The following FRMD5 variants were observed in gnomAD, a reference collection of about 807,000 sequenced individuals.
FRMD5 encodes the protein FERM domain containing 5.
FRMD5 carries 20 observed loss-of-function variants against 69.0 expected under a neutral mutation model. The observed-to-expected ratio is 0.29, with a 90% CI of 0.20 to 0.42. The LOEUF is 0.42. Ranked by LOEUF, FRMD5 falls within the 10% of genes least tolerant of loss-of-function variation. The pLI, the probability that FRMD5 is intolerant of heterozygous loss-of-function variation, is 1.00. For synonymous variants in FRMD5, 271 were observed against 260.1 expected (o/e 1.04, Z -0.40); for missense variants, 595 against 708.6 (o/e 0.84, Z 1.82).
At chr15:44,145,784 A>G (rs888976045) in intron 1 of FRMD5, among the ~76,000 whole-genome samples, 3 of 152,320 alleles carry the variant, frequency 2.0e-5, no homozygotes, top group South Asian at 2.1e-4. Context: ...TGAAAGTTTA[A>G]GATTTAACAC....
rs144369623 is a variant in FRMD5, at chr15:43,989,307, C to T, written c.103-64998G>A. 8.1e-4 allele frequency: 637 copies of T among 785,546 alleles called. 6 individuals carry two copies. The East Asian group carries it at 0.015, about 19-fold the overall frequency. The allele number at this position is 785,546 out of a possible 1,614,324, so 48.7% of individuals were successfully genotyped here. On this transcript the variant is annotated intron_variant, in intron 1 of 13. Coordinates refer to ENST00000417257, the MANE Select transcript of FRMD5 (RefSeq NM_032892.5). ...CGCCAGATAGCACTGTGTTGGCATA[C>T]GGGTCTTTGAGGATGTCCACATCAC...
At chr15:44,059,344 C>G (rs1440452158) in intron 1 of FRMD5, among the ~76,000 whole-genome samples, 1 of 152,054 alleles carries the variant, frequency 6.6e-6, no homozygotes, top group East Asian at 1.9e-4. Flanking sequence ...ATGATAGAGT[C>G]TGCATAGGTT....
Position 44,136,904 on chromosome 15 carries a change from TG to T in FRMD5, c.102+58048del, listed in dbSNP as rs986969452. Among the ~76,000 whole-genome samples, 8 of 152,120 alleles carry T rather than the reference TG, an allele frequency of 5.3e-5. 1 individual carries two copies. The highest frequency in any genetic ancestry group is 1.2e-4 in the Non-Finnish European group (8 of 68,030). Reference sequence around the variant, plus strand: ...ACACACCCCAACACATACAAACTCCTGCACCCTTCACACAACAGCGATAGAT... The same window carrying T: ...ACACACCCCAACACATACAAACTCCTCACCCTTCACACAACAGCGATAGAT... On this transcript the variant is annotated intron_variant, in intron 1 of 13. Transcript: ENST00000417257.
intron 1 of FRMD5, chr15:43,990,161 A>T: frequency 1.8e-6 from 1 of 567,748 alleles, no homozygotes; most frequent in South Asian, 1.6e-5. Flanking sequence ...TGTCGACGAC[A>T]AGCATGGTGA....
chr15:43,924,400 T>C, intron 1 of FRMD5, 91 bp from the exon 2 acceptor site: 1 of 833,440 alleles, frequency 1.2e-6, no homozygotes, highest in Non-Finnish European at 2.0e-6. Flanking sequence ...TGTTTGTAAC[T>C]GTTGCATGTG....
intron 13 of FRMD5, chr15:43,879,447 G>A (rs1178968389): frequency 5.0e-6 from 2 of 398,784 alleles, no homozygotes; most frequent in Non-Finnish European, 8.8e-6. Context: ...GATGGGTGCC[G>A]TGGGAAGGAT....
intron 1 of FRMD5, among the ~76,000 whole-genome samples, chr15:44,051,690 T>C (rs553998117): frequency 6.6e-6 from 1 of 152,284 alleles, no homozygotes; most frequent in East Asian, 1.9e-4. Flanking sequence ...TACTGTTTTT[T>C]AGATTTTCCT....
At chr15:43,904,892 A>C (rs1174051951) in intron 6 of FRMD5, among the ~76,000 whole-genome samples, 1 of 152,166 alleles carries the variant, frequency 6.6e-6, no homozygotes, top group Non-Finnish European at 1.5e-5. Context: ...ATGAGGCTCC[A>C]AACTTGAAGC....
At chr15:43,983,766 A>G (rs2090582663) in intron 1 of FRMD5, among the ~76,000 whole-genome samples, 1 of 152,186 alleles carries the variant, frequency 6.6e-6, no homozygotes, top group Admixed American at 6.5e-5. Flanking sequence ...GGAGAGTACT[A>G]AGGTCCTCCC....
intron 1 of FRMD5, among the ~76,000 whole-genome samples, chr15:43,991,180 T>C (rs556637634): frequency 6.6e-6 from 1 of 152,214 alleles, no homozygotes; most frequent in Non-Finnish European, 1.5e-5. Flanking sequence ...AGAACTGTAT[T>C]TTACCCGAAG....
intron 1 of FRMD5, among the ~76,000 whole-genome samples, chr15:44,107,234 G>C (rs777733415): frequency 6.6e-6 from 1 of 152,202 alleles, no homozygotes; most frequent in Non-Finnish European, 1.5e-5. Flanking sequence ...ACCATAGCTA[G>C]AGAAAATAGC....
intron 1 of FRMD5, among the ~76,000 whole-genome samples, chr15:44,075,742 C>G (rs143863366): frequency 1.8e-4 from 27 of 152,278 alleles, no homozygotes; most frequent in African/African-American, 6.5e-4. Flanking sequence ...AACCAAAAAA[C>G]TATCCAAATT....
chr15:43,945,490 G>A (rs1362922096), intron 1 of FRMD5, among the ~76,000 whole-genome samples: 1 of 152,054 alleles, frequency 6.6e-6, no homozygotes, highest in African/African-American at 2.4e-5. Flanking sequence ...TTTAAAATAT[G>A]AAATTACTTT....
At chr15:44,147,207 G>A (rs2077370268) in intron 1 of FRMD5, among the ~76,000 whole-genome samples, 1 of 152,104 alleles carries the variant, frequency 6.6e-6, no homozygotes, top group African/African-American at 2.4e-5. Context: ...TTCTGCATAT[G>A]GCTAGCCAGT....
chr15:44,001,331 T>C (rs1292946138), intron 1 of FRMD5, among the ~76,000 whole-genome samples: 2 of 152,244 alleles, frequency 1.3e-5, no homozygotes, highest in African/African-American at 2.4e-5. Flanking sequence ...ATATGGACTA[T>C]AAATATTTTC....
intron 1 of FRMD5, among the ~76,000 whole-genome samples, chr15:44,074,401 AGAG>A (rs1234597791): frequency 1.3e-5 from 2 of 152,246 alleles, no homozygotes; most frequent in Non-Finnish European, 2.9e-5. Context: ...TTTAATCAAT[AGAG>A]AATAATAAAT....
chr15:43,897,053 T>C (rs2088927201), intron 7 of FRMD5, among the ~76,000 whole-genome samples: 1 of 152,114 alleles, frequency 6.6e-6, no homozygotes, highest in Admixed American at 6.5e-5. Context: ...CAGAAAGGAA[T>C]TCCTGGTGGA....
intron 1 of FRMD5, among the ~76,000 whole-genome samples, chr15:44,129,232 C>A (rs182882752): frequency 6.6e-6 from 1 of 152,172 alleles, no homozygotes; most frequent in East Asian, 1.9e-4. Context: ...AAAGTCAATT[C>A]AAGAAACTCC....
chr15:44,102,075 C>A (rs988933057), intron 1 of FRMD5, among the ~76,000 whole-genome samples: 3 of 152,234 alleles, frequency 2.0e-5, no homozygotes, highest in Admixed American at 6.5e-5. Flanking sequence ...ATTATCCATT[C>A]TTTGCATACC....
Sources: gnomAD v4.1 joint callset for allele counts (sites outside exome capture counted in the v4.1 genomes callset) on GRCh38, gnomAD v4.1.1 for gene constraint, MANE v1.5 for transcripts, NCBI Gene and HGNC (gene_info 2026-07-23, HGNC 2026-07-21) for gene names.